The following FANCD2 variants were observed in gnomAD, a reference collection of about 807,000 sequenced individuals.
FANCD2 encodes the protein FA complementation group D2, also known as Fanconi anemia group D2 protein.
FANCD2 carries 131 observed loss-of-function variants against 192.3 expected under a neutral mutation model. That is an observed-to-expected ratio of 0.68 (90% CI 0.59 to 0.79). The LOEUF is 0.79. Among genes scored for constraint, FANCD2 ranks in the 30% least tolerant of loss-of-function variants. The probability of loss-of-function intolerance (pLI) is 0.00; values close to 1 mark genes in which losing one functional copy is unlikely to be tolerated. For synonymous variants in FANCD2, 524 were observed against 612.5 expected (o/e 0.86, Z 2.13); for missense variants, 1,508 against 1,701.6 (o/e 0.89, Z 2.00).
intron 17 of FANCD2, among the ~76,000 whole-genome samples, chr3:10,051,308 G>T: frequency 6.8e-6 from 1 of 146,108 alleles, no homozygotes; most frequent in African/African-American, 2.5e-5. Flanking sequence ...GTGAACCCAG[G>T]AGGCGGAGCT....
chr3:10,088,447 A>G lies in FANCD2; in HGVS notation c.3467-2A>G, dbSNP rs866731784. 5.0e-6 allele frequency: 8 copies of G among 1,596,594 alleles called. No homozygotes were observed. The highest frequency in any genetic ancestry group is 6.9e-6 in the Non-Finnish European group (8 of 1,164,184). On this transcript the variant is annotated splice_acceptor_variant, in intron 34 of 43. Coordinates refer to ENST00000675286, the MANE Select transcript of FANCD2 (RefSeq NM_001018115.3). LOFTEE classifies it high-confidence loss of function. ...AGATTCCTTTGTCTTCTTTTCTAAC[A>G]GCTTCCCTTGCCAGACAATTCCTCT...
intron 3 of FANCD2, among the ~76,000 whole-genome samples, 184 bp from the exon 4 acceptor site, chr3:10,034,285 A>G (rs971151793): frequency 3.4e-5 from 5 of 145,170 alleles, no homozygotes; most frequent in Non-Finnish European, 7.5e-5. Flanking sequence ...AGATCACGCC[A>G]CTGCACTCCA....
Position 10,067,270 on chromosome 3 carries a change from T to A in FANCD2, c.2447T>A (p.Leu816Ter). 2.5e-6 allele frequency: 4 copies of A among 1,613,864 alleles called. No homozygotes were observed. Among genetic ancestry groups the A allele is most frequent in the Non-Finnish European group, 1.7e-6 (2 of 1,179,796 alleles). ...PEMKGKVLTR[L>*]KHIVELQIIL... ...ATGAAGGGGAAGGTGCTCACTCGGT[T>A]AAAGCACATTGTAGAATTGCAAATA... The change falls in exon 26 of 44, where the codon TTA becomes TAA. Residue 816 changes from leucine (L) to a stop codon, truncating the protein, a stop_gained. Coordinates refer to ENST00000675286, the MANE Select transcript of FANCD2 (RefSeq NM_001018115.3). LOFTEE classifies it high-confidence loss of function.
At chr3:10,045,310 A>C (rs1273131331) in intron 14 of FANCD2, among the ~76,000 whole-genome samples, 3 of 151,988 alleles carry the variant, frequency 2.0e-5, no homozygotes, top group Non-Finnish European at 2.9e-5. Context: ...CTGGGACTAC[A>C]GGCACCTGCC....
At chr3:10,083,367 A>G (rs1242745159) in intron 32 of FANCD2, among the ~76,000 whole-genome samples, 1 of 152,234 alleles carries the variant, frequency 6.6e-6, no homozygotes, top group African/African-American at 2.4e-5. Flanking sequence ...TAAAAGCACA[A>G]TGAGATAGCA....
chr3:10,041,343 G>A (rs1290728690), intron 9 of FANCD2: 3 of 343,946 alleles, frequency 8.7e-6, no homozygotes, highest in African/African-American at 2.1e-5. Flanking sequence ...TTTTTGCGGG[G>A]AAGGATACAT....
At chr3:10,098,114 A>G (rs541080991) in intron 42 of FANCD2, among the ~76,000 whole-genome samples, 2 of 152,290 alleles carry the variant, frequency 1.3e-5, no homozygotes, top group East Asian at 3.9e-4. Flanking sequence ...TGAGTCTTGT[A>G]GTCAATTATA....
Position 10,063,926 on chromosome 3 carries a change from C to A in FANCD2, c.1947+15C>A. The A allele has an allele frequency of 6.2e-7, 1 of 1,614,220 alleles. No homozygotes were observed. Among genetic ancestry groups the A allele is most frequent in the Admixed American group, 1.7e-5 (1 of 60,028 alleles). ...CAAAAGCCCTGGTAAAGCCAATTGT[C>A]TTTTCTTAAAGCAATAAAGCATGAG... On this transcript the variant is annotated intron_variant, in intron 21 of 43. Transcript: ENST00000675286.
chr3:10,057,099 A>G (rs904823194), intron 18 of FANCD2, among the ~76,000 whole-genome samples: 15 of 152,100 alleles, frequency 9.9e-5, no homozygotes, highest in Non-Finnish European at 1.9e-4. Flanking sequence ...CAGGAGATCC[A>G]CCCACCTCTG....
intron 6 of FANCD2, among the ~76,000 whole-genome samples, chr3:10,035,702 T>A (rs1199465971): frequency 6.6e-6 from 1 of 152,198 alleles, no homozygotes; most frequent in Non-Finnish European, 1.5e-5. Flanking sequence ...TCTCCATTTT[T>A]CCTCTTCTCC....
At chr3:10,058,700 T>C (rs780901607) in intron 18 of FANCD2, among the ~76,000 whole-genome samples, 11 of 152,330 alleles carry the variant, frequency 7.2e-5, no homozygotes, top group Middle Eastern at 3.4e-3. Flanking sequence ...ATTTCATTGG[T>C]CTATACGTCT....
chr3:10,062,121 A>G, intron 19 of FANCD2, 30 bp from the exon 20 acceptor site: 3 of 1,546,262 alleles, frequency 1.9e-6, no homozygotes, highest in South Asian at 1.2e-5. Context: ...AAGTATAATA[A>G]TAATTTAAAA....
chr3:10,036,966 C>G (rs901890924), intron 7 of FANCD2, among the ~76,000 whole-genome samples: 2 of 151,586 alleles, frequency 1.3e-5, no homozygotes, highest in African/African-American at 4.8e-5. Flanking sequence ...ATCATGAGTG[C>G]CTGGGACTAC....
intron 14 of FANCD2, chr3:10,046,341 C>G: frequency 2.0e-6 from 1 of 506,906 alleles, no homozygotes; most frequent in Admixed American, 3.5e-5. Context: ...ATGTGAGCCA[C>G]TGTGCCTGGC....
At chr3:10,055,062 C>G (rs537606116) in intron 18 of FANCD2, among the ~76,000 whole-genome samples, 93 of 152,168 alleles carry the variant, frequency 6.1e-4, no homozygotes, top group Non-Finnish European at 9.1e-4. Flanking sequence ...CCTTCTTGTT[C>G]TACATCTTAG....
chr3:10,040,219 G>T lies in FANCD2; in HGVS notation c.695+374G>T, dbSNP rs1237103239. 2.5e-5 allele frequency: 8 copies of T among 325,556 alleles called. No individual in the cohort carries two copies. In the East Asian group the frequency reaches 6.1e-4, roughly 25 times the overall value. The allele number at this position is 325,556 out of a possible 1,614,324, so 20.2% of individuals were successfully genotyped here. ...CCGACTAATTTTTTTGGTATTTTTA[G>T]TAGAGACGGGGTTTCACCATGTTAG... On this transcript the variant is annotated intron_variant, in intron 9 of 43. Transcript: ENST00000675286.
intron 9 of FANCD2, 105 bp downstream of exon 9, chr3:10,039,950 A>G: frequency 7.5e-7 from 1 of 1,330,364 alleles, no homozygotes; most frequent in East Asian, 2.3e-5. Context: ...ATCTAAAAAG[A>G]GGATGATACC....
At chr3:10,079,473 T>C (rs1693711000) in intron 30 of FANCD2, among the ~76,000 whole-genome samples, 1 of 151,834 alleles carries the variant, frequency 6.6e-6, no homozygotes, top group Non-Finnish European at 1.5e-5. Context: ...ACCCAGCTAA[T>C]TTTTGTATTT....
At chr3:10,071,138 A>G (rs1490770899) in intron 26 of FANCD2, among the ~76,000 whole-genome samples, 5 of 147,682 alleles carry the variant, frequency 3.4e-5, no homozygotes, top group African/African-American at 1.0e-4. Flanking sequence ...AAAAAAAAAA[A>G]GAAAAAAAGA....
Sources: gnomAD v4.1 joint callset for allele counts (sites outside exome capture counted in the v4.1 genomes callset) on GRCh38, gnomAD v4.1.1 for gene constraint, MANE v1.5 for transcripts, NCBI Gene and HGNC (gene_info 2026-07-23, HGNC 2026-07-21) for gene names.